Variants in TRMO observed in about 807,000 individuals in gnomAD.
The protein encoded by TRMO is tRNA methyltransferase O.
A neutral mutation model predicts 37.2 loss-of-function variants in TRMO; 30 were observed. The ratio of observed to expected loss-of-function variants is 0.81; its 90% confidence interval spans 0.60 to 1.09. The LOEUF (loss-of-function observed/expected upper bound fraction) is 1.09. TRMO is among the 50% of genes least tolerant of loss of function. TRMO has a pLI of 0.00. For missense variants in TRMO, 552 were observed against 549.5 expected (o/e 1.00, Z -0.05); for synonymous variants, 239 against 199.4 (o/e 1.20, Z -1.67).
chr9:97,916,922 C>A (rs1198771708), intron 1 of TRMO, among the ~76,000 whole-genome samples: 1 of 146,722 alleles, frequency 6.8e-6, no homozygotes, highest in Non-Finnish European at 1.5e-5. Flanking sequence ...CCATATTGGT[C>A]AGGTTGGTCT....
the TRMO span, among the ~76,000 whole-genome samples, chr9:97,898,158 G>A: frequency 2.0e-5 from 3 of 152,092 alleles, no homozygotes; most frequent in Non-Finnish European, 2.9e-5. Context: ...TTTGCACTGC[G>A]GGCATTGAAA....
At chr9:97,897,251 C>T in the TRMO span, among the ~76,000 whole-genome samples, 4 of 152,174 alleles carry the variant, frequency 2.6e-5, no homozygotes, top group Non-Finnish European at 4.4e-5. Flanking sequence ...CTTTCTGGAA[C>T]TCAATATAAC....
chr9:97,904,578 T>C lies in TRMO; in HGVS notation c.*155A>G, dbSNP rs772067042. ...TCTCTTTGTTAAGTTTATTAATGTA[T>C]ACGTTTTTCAAATAAACATTTTGAA... is the stretch of plus-strand genomic sequence containing the variant. On this transcript the variant is annotated 3_prime_UTR_variant, in exon 5 of 5. Coordinates refer to ENST00000375119, the MANE Select transcript of TRMO (RefSeq NM_016481.5). 4.5e-4 allele frequency: 672 copies of C among 1,481,782 alleles called. No individual in the cohort carries two copies. The highest frequency in any genetic ancestry group is 5.2e-4 in the Non-Finnish European group (585 of 1,122,004). The allele number at this position is 1,481,782 out of a possible 1,614,324, so 91.8% of individuals were successfully genotyped here.
At chr9:97,914,421 G>T (rs926606935) in intron 2 of TRMO, among the ~76,000 whole-genome samples, 1 of 152,100 alleles carries the variant, frequency 6.6e-6, no homozygotes, top group South Asian at 2.1e-4. Flanking sequence ...TAAGAAAAAG[G>T]TCATTTGCAT....
In TRMO at chr9:97,905,190, A is replaced by C. The variant is rs1359741521; in HGVS notation, c.1067-198T>G. ...ATTAGGTTTAACTTGTACACCCCCA[A>C]ATTTTTGTTTTACTGGACAGAAAAA... On this transcript the variant is annotated intron_variant, in intron 4 of 4. Transcript: ENST00000375119. Among the ~76,000 whole-genome samples, 4 of 152,042 alleles carry C rather than the reference A, an allele frequency of 2.6e-5. No individual in the cohort carries two copies. In the East Asian group the frequency reaches 7.7e-4, roughly 29 times the overall value.
Position 97,916,354 on chromosome 9 carries a change from A to G in TRMO, c.77-16T>C. The stretch of plus-strand genomic sequence containing the variant: ...AAAAGATTCCCTACAGGAGAAAATT[A>G]GGTAAAAAGTTATTAGTCAAAAGGT... On this transcript the variant is annotated splice_polypyrimidine_tract_variant and intron_variant, in intron 1 of 4. Coordinates refer to ENST00000375119, the MANE Select transcript of TRMO (RefSeq NM_016481.5). The G allele has an allele frequency of 6.3e-7, 1 of 1,583,908 alleles. No individual in the cohort carries two copies. The highest frequency in any genetic ancestry group is 1.2e-5 in the South Asian group (1 of 86,396).
At chr9:97,906,456 T>C (rs571549781) in intron 4 of TRMO, among the ~76,000 whole-genome samples, 12 of 152,206 alleles carry the variant, frequency 7.9e-5, no homozygotes, top group Non-Finnish European at 1.6e-4. Flanking sequence ...TGCCCAGACC[T>C]TTACTCCAGC....
intron 1 of TRMO, among the ~76,000 whole-genome samples, chr9:97,917,432 G>A (rs777201999): frequency 6.6e-5 from 10 of 152,122 alleles, no homozygotes; most frequent in African/African-American, 9.7e-5. Flanking sequence ...CTCATTTATC[G>A]CTGCATTCTC....
At chr9:97,920,962 T>C (rs1429764971) in intron 1 of TRMO, among the ~76,000 whole-genome samples, 2 of 152,188 alleles carry the variant, frequency 1.3e-5, no homozygotes, top group Non-Finnish European at 2.9e-5. Context: ...ACCTCCCTGT[T>C]CCATCCAACA....
At chr9:97,920,279 T>G (rs1234981735) in intron 1 of TRMO, among the ~76,000 whole-genome samples, 1 of 152,116 alleles carries the variant, frequency 6.6e-6, no homozygotes, top group African/African-American at 2.4e-5. Flanking sequence ...TTTGCAGGGA[T>G]AGAGATAAAT....
chr9:97,904,813 C>G lies in TRMO; in HGVS notation c.1246G>C (p.Glu416Gln). 2 of 1,614,218 alleles carry G rather than the reference C, an allele frequency of 1.2e-6. No individual in the cohort carries two copies. Among genetic ancestry groups the G allele is most frequent in the South Asian group, 1.1e-5 (1 of 91,082 alleles). The change falls in exon 5 of 5, where the codon GAG (glutamate) becomes CAG (glutamine). Residue 416 changes from glutamate (E) to glutamine (Q), a missense_variant. Transcript: ENST00000375119. Reference sequence around the variant, plus strand: ...GAAGCCGGCTTGATCCTCAGCACCTCTGCAAAGCCATCACCAAACCAGCAA... The same window carrying G: ...GAAGCCGGCTTGATCCTCAGCACCTGTGCAAAGCCATCACCAAACCAGCAA... ...VTCWFGDGFA[E>Q]VLRIKPASEP...
At chr9:97,915,991 C>A (rs1826342202) in intron 2 of TRMO, among the ~76,000 whole-genome samples, 173 bp downstream of exon 2, 1 of 152,060 alleles carries the variant, frequency 6.6e-6, no homozygotes, top group South Asian at 2.1e-4. Flanking sequence ...CAGTGCGCTG[C>A]TATTGCACCA....
Position 97,910,545 on chromosome 9 carries a change from C to T in TRMO, c.481G>A (p.Ala161Thr). The change falls in exon 4 of 5, where the codon GCT becomes ACT. Residue 161 changes from alanine (A) to threonine (T), a missense_variant. Coordinates refer to ENST00000375119, the MANE Select transcript of TRMO (RefSeq NM_016481.5). ...ACATTTTGCGGTGAGTCATACTCAGCTATGTAGGGCTTGATGTCTAGTACG... is the reference window on the plus strand; with the variant it reads ...ACATTTTGCGGTGAGTCATACTCAGTTATGTAGGGCTTGATGTCTAGTACG... ...TPVLDIKPYI[A>T]EYDSPQNVME... The T allele has an allele frequency of 6.2e-7, 1 of 1,614,158 alleles. No individual in the cohort carries two copies. Among genetic ancestry groups the T allele is most frequent in the Non-Finnish European group, 8.5e-7 (1 of 1,180,024 alleles).
At chr9:97,912,638 A>C (rs1023842715) in intron 3 of TRMO, 1 of 291,266 alleles carries the variant, frequency 3.4e-6, no homozygotes, top group South Asian at 3.0e-5. Context: ...TCTCTCTTAC[A>C]AGATTCTCAA....
chr9:97,899,429 C>CATATTTATTTAT, the TRMO span, among the ~76,000 whole-genome samples: 10,018 of 105,550 alleles, frequency 0.095, 508 homozygotes, highest in Non-Finnish European at 0.12. Context: ...TTTTTATGTA[C>CATATTTATTTAT]GTATTTATTT....
At chr9:97,917,781 C>T (rs1477668650) in intron 1 of TRMO, among the ~76,000 whole-genome samples, 3 of 151,850 alleles carry the variant, frequency 2.0e-5, no homozygotes, top group Non-Finnish European at 4.4e-5. Flanking sequence ...CAGGCTCAAG[C>T]GACTCTCGTG....
At chr9:97,909,702 G>A (rs1826020631) in intron 4 of TRMO, among the ~76,000 whole-genome samples, 1 of 152,226 alleles carries the variant, frequency 6.6e-6, no homozygotes, top group African/African-American at 2.4e-5. Context: ...GGGGCTGTAA[G>A]TCATAGGCCA....
Position 97,910,103 on chromosome 9 carries a change from A to G in TRMO, c.923T>C (p.Met308Thr), listed in dbSNP as rs1564107205. Residue 308 changes from methionine to threonine, a missense_variant, in exon 4 of 5, where the codon ATG becomes ACG. Met to Thr is a moderately conservative substitution (Grantham distance 81, BLOSUM62 -1). Transcript: ENST00000375119. ...CCTTCCAGCAGGGCAGTGAGGGGCCATGGGCTGTGTCTCTGCCCTGCTTCC... is the reference window on the plus strand; with the variant it reads ...CCTTCCAGCAGGGCAGTGAGGGGCCGTGGGCTGTGTCTCTGCCCTGCTTCC... ...LQGSRAETQPMAPHCPAGRAD... is the reference protein window; with the variant it reads ...LQGSRAETQPTAPHCPAGRAD... 6.2e-7 allele frequency: 1 copy of G among 1,614,162 alleles called. No individual in the cohort carries two copies.
rs555924368 is a variant in TRMO, at chr9:97,916,705, C to CTTTTTTTT, written c.77-375_77-368dup. ...GCCAGGGCTATGAGCGTATTTCTTTCTTTTTTTTTTTTTTTTTTGAGATGG... is the reference window on the plus strand; with the variant it reads ...GCCAGGGCTATGAGCGTATTTCTTTCTTTTTTTTTTTTTTTTTTTTTTTTTTGAGATGG... On this transcript the variant is annotated intron_variant, in intron 1 of 4. Coordinates refer to ENST00000375119, the MANE Select transcript of TRMO (RefSeq NM_016481.5). Among the ~76,000 whole-genome samples the CTTTTTTTT allele has an allele frequency of 4.0e-5, 5 of 124,620 alleles. 1 individual carries two copies. The highest frequency in any genetic ancestry group is 8.3e-5 in the Non-Finnish European group (5 of 60,126). 81.8% of individuals were successfully genotyped at this position (124,620 alleles called of 152,430 possible).
Sources: allele counts gnomAD v4.1 joint callset (sites outside exome capture counted in the v4.1 genomes callset), GRCh38; gene constraint gnomAD v4.1.1; transcripts MANE v1.5; gene names NCBI Gene and HGNC (gene_info 2026-07-23, HGNC 2026-07-21).